The following RBFOX1 variants were observed in gnomAD, a reference collection of about 807,000 sequenced individuals.
The protein encoded by RBFOX1 is RNA binding fox-1 homolog 1.
A neutral mutation model predicts 57.7 loss-of-function variants in RBFOX1; 8 were observed. The observed-to-expected ratio is 0.14, with a 90% CI of 0.08 to 0.25. The LOEUF is 0.25. RBFOX1 is among the 10% of genes least tolerant of loss of function. RBFOX1 has a pLI of 1.00. For missense variants in RBFOX1, 611 were observed against 548.5 expected, an observed-to-expected ratio of 1.11 and a Z score of -1.14; for synonymous variants, 326 against 222.4, an observed-to-expected ratio of 1.47 and a Z score of -4.15.
chr16:7,219,339 A>G (rs1221984665), intron 4 of RBFOX1, among the ~76,000 whole-genome samples: 2 of 152,212 alleles, frequency 1.3e-5, no homozygotes, highest in South Asian at 4.1e-4. Flanking sequence ...GAGCTGCAAG[A>G]TCGAGCTGAA....
At chr16:7,511,121 G>C (rs1163583901) in intron 4 of RBFOX1, among the ~76,000 whole-genome samples, 1 of 152,200 alleles carries the variant, frequency 6.6e-6, no homozygotes, top group African/African-American at 2.4e-5. Flanking sequence ...GGCTACGAAA[G>C]CTGGTACTTT....
At chr16:7,606,210 C>A (rs1257629737) in intron 9 of RBFOX1, among the ~76,000 whole-genome samples, 1 of 151,596 alleles carries the variant, frequency 6.6e-6, no homozygotes, top group Admixed American at 6.6e-5. Flanking sequence ...CAACCTCTGC[C>A]TCCCAGGTTC....
At chr16:7,353,411 C>T (rs1368814593) in intron 4 of RBFOX1, among the ~76,000 whole-genome samples, 1 of 152,046 alleles carries the variant, frequency 6.6e-6, no homozygotes, top group Non-Finnish European at 1.5e-5. Context: ...GAGTATTTTT[C>T]TTAAAAAAAT....
At chr16:6,800,358 T>C (rs1445738033) in intron 3 of RBFOX1, among the ~76,000 whole-genome samples, 1 of 152,134 alleles carries the variant, frequency 6.6e-6, no homozygotes, top group African/African-American at 2.4e-5. Context: ...TTGTTTTTCA[T>C]GCAATAAGTT....
chr16:7,324,251 G>A (rs962620639), intron 4 of RBFOX1, among the ~76,000 whole-genome samples: 1 of 152,118 alleles, frequency 6.6e-6, no homozygotes. Context: ...AAAATAATAG[G>A]CAGAAAGCTC....
chr16:7,173,492 C>CT (rs147286538), intron 4 of RBFOX1, among the ~76,000 whole-genome samples: 13,301 of 150,290 alleles, frequency 0.089, 760 homozygotes, highest in Non-Finnish European at 0.12. Flanking sequence ...CCATTTGACA[C>CT]TTTTTTTTTT....
At chr16:5,869,658 C>T (rs760066688) in intron 4 of RBFOX1, among the ~76,000 whole-genome samples, 17 of 152,282 alleles carry the variant, frequency 1.1e-4, no homozygotes, top group Middle Eastern at 3.4e-3. Flanking sequence ...CCTCCTCGGC[C>T]TCCCAAAGTG....
chr16:5,289,294 C>T (rs2063477463), intron 1 of RBFOX1: 2 of 420,958 alleles, frequency 4.8e-6, no homozygotes. Context: ...GGGCATGTGG[C>T]CTCCCATGGT....
In RBFOX1 at chr16:5,500,210, G is replaced by GCATTC. The variant is rs1567166482; in HGVS notation, c.258+32958_258+32962dup. 9.5e-5 allele frequency among the ~76,000 whole-genome samples: 7 copies of GCATTC among 73,504 alleles called. No homozygotes were observed. In the African/African-American group the frequency reaches 1.6e-3, roughly 16 times the overall value. The allele number at this position is 73,504 out of a possible 152,430, so 48.2% of individuals were successfully genotyped here. A position where few individuals can be genotyped will look rare whatever the true frequency, so the allele number is the denominator to read the frequency against. On this transcript the variant is annotated intron_variant, in intron 2 of 2. Coordinates refer to the RBFOX1 transcript ENST00000585867. ...CTCCCTCCCTTCATTCCATTCCATT[G>GCATTC]CATTCCGTTCCGTTCCGTTCCATTC...
intron 1 of RBFOX1, among the ~76,000 whole-genome samples, chr16:6,285,198 A>C (rs2076776702): frequency 6.6e-6 from 1 of 152,154 alleles, no homozygotes; most frequent in African/African-American, 2.4e-5. Flanking sequence ...GGTCCCGTTA[A>C]TTTGCAAATT....
At chr16:6,908,680 C>T (rs1054270437) in intron 3 of RBFOX1, among the ~76,000 whole-genome samples, 1 of 152,072 alleles carries the variant, frequency 6.6e-6, no homozygotes, top group African/African-American at 2.4e-5. Flanking sequence ...CATGCAGGGT[C>T]CAGTTGGGAT....
intron 2 of RBFOX1, among the ~76,000 whole-genome samples, chr16:5,469,722 T>C (rs1166746584): frequency 6.6e-6 from 1 of 152,224 alleles, no homozygotes; most frequent in Non-Finnish European, 1.5e-5. Flanking sequence ...CCTGTGGATT[T>C]ACCTCTTTTG....
intron 2 of RBFOX1, among the ~76,000 whole-genome samples, chr16:6,592,995 C>G (rs1488544286): frequency 6.6e-6 from 1 of 152,114 alleles, no homozygotes; most frequent in Non-Finnish European, 1.5e-5. Flanking sequence ...GAGTTCACGA[C>G]TAGCCCGGCC....
rs138580183 is a variant in RBFOX1 at position 7,484,925 on chromosome 16, G to T, written c.28-33222G>T. On this transcript the variant is annotated intron_variant, in intron 4 of 15. Transcript: ENST00000550418. Reference sequence around the variant, plus strand: ...TATCAGGAAAGTAAAGAAGACATTTGTCCCAACCCATATGCCCCAAGTTGT... The same window carrying T: ...TATCAGGAAAGTAAAGAAGACATTTTTCCCAACCCATATGCCCCAAGTTGT... 1.2e-4 allele frequency among the ~76,000 whole-genome samples: 19 copies of T among 152,266 alleles called. 1 individual carries two copies. In the East Asian group the frequency reaches 2.5e-3, roughly 20 times the overall value.
intron 4 of RBFOX1, among the ~76,000 whole-genome samples, chr16:7,418,511 C>G (rs931261889): frequency 3.9e-5 from 6 of 152,188 alleles, no homozygotes; most frequent in African/African-American, 1.4e-4. Context: ...CACAACATTT[C>G]TGTTTTCCTG....
In RBFOX1 at chr16:7,186,351, CAT is replaced by C. The variant is rs1370752884; in HGVS notation, c.27+134255_27+134256del. On this transcript the variant is annotated intron_variant, in intron 4 of 15. Coordinates refer to ENST00000550418, the MANE Select transcript of RBFOX1 (RefSeq NM_018723.4). The stretch of plus-strand genomic sequence containing the variant: ...ATAAACATATTTATATAAATATAAA[CAT>C]AAACATATTTATATAAATATAAACA... 1.5e-4 allele frequency among the ~76,000 whole-genome samples: 6 copies of C among 41,078 alleles called. 1 individual carries two copies. The highest frequency in any genetic ancestry group is 9.3e-4 in the African/African-American group (5 of 5,374). The allele number at this position is 41,078 out of a possible 152,430, so 26.9% of individuals were successfully genotyped here. A position where few individuals can be genotyped will look rare whatever the true frequency, so the allele number is the denominator to read the frequency against.
chr16:6,206,714 C>G (rs532279514), intron 1 of RBFOX1, among the ~76,000 whole-genome samples: 3 of 152,156 alleles, frequency 2.0e-5, no homozygotes, highest in Admixed American at 1.3e-4. Context: ...ACCCAGCTTC[C>G]CCTGTTGTAA....
At position 7,360,271 on chromosome 16, in the gene RBFOX1, C is replaced by T. The variant is rs1018573098; in HGVS notation, c.28-157876C>T. ...CATTTTTTCCCAATAGCCTAGAATT[C>T]TTAGAATAGACTCAAAATGTGTCAC... is the stretch of plus-strand genomic sequence containing the variant. On this transcript the variant is annotated intron_variant, in intron 4 of 15. Coordinates refer to ENST00000550418, the MANE Select transcript of RBFOX1 (RefSeq NM_018723.4). 2.6e-5 allele frequency among the ~76,000 whole-genome samples: 4 copies of T among 152,074 alleles called. No individual in the cohort carries two copies. In the South Asian group the frequency reaches 8.3e-4, roughly 32 times the overall value.
intron 2 of RBFOX1, among the ~76,000 whole-genome samples, chr16:5,543,650 A>T (rs1224560983): frequency 6.6e-6 from 1 of 152,176 alleles, no homozygotes; most frequent in Non-Finnish European, 1.5e-5. Context: ...ATTTTTCCAC[A>T]TTTCATGAAA....
Sources: gnomAD v4.1 joint callset for allele counts (sites outside exome capture counted in the v4.1 genomes callset) on GRCh38, gnomAD v4.1.1 for gene constraint, MANE v1.5 for transcripts, NCBI Gene and HGNC (gene_info 2026-07-23, HGNC 2026-07-21) for gene names.